Variants in RC3H1 observed in about 807,000 individuals in gnomAD.
The protein encoded by RC3H1 is ring finger and CCCH-type domains 1.
Under a neutral mutation model 138.2 loss-of-function variants are expected in RC3H1, and 50 were observed. The observed-to-expected ratio is 0.36, with a 90% CI of 0.29 to 0.46. RC3H1 has a LOEUF of 0.46. RC3H1 is among the 20% of genes least tolerant of loss of function. RC3H1 has a pLI of 1.00. For missense variants in RC3H1, 1,031 were observed against 1,388.1 expected, an observed-to-expected ratio of 0.74 and a Z score of 4.09; for synonymous variants, 462 against 489.1, an observed-to-expected ratio of 0.94 and a Z score of 0.73.
intron 17 of RC3H1, among the ~76,000 whole-genome samples, chr1:173,945,870 G>A (rs1247860418): frequency 6.6e-6 from 1 of 151,844 alleles, no homozygotes; most frequent in African/African-American, 2.4e-5. Context: ...ACCATGCCCG[G>A]CTAATTTTTT....
In RC3H1 at chr1:173,946,542, C is replaced by T. The variant is rs766801726; in HGVS notation, c.2895G>A (p.Gln965=). ...GKPLPSAERE[Q]LRLELQQLNH... Reference sequence around the variant, plus strand: ...TCAATTGCTGCAATTCTAGTCGTAGCTGTTCTCTCTCAGCAGATGGAAGGG... The same window carrying T: ...TCAATTGCTGCAATTCTAGTCGTAGTTGTTCTCTCTCAGCAGATGGAAGGG... Residue 965 remains glutamine (Q), a synonymous_variant, in exon 17 of 20, where the codon CAG becomes CAA. Transcript: ENST00000367696. 1 of 1,614,100 alleles carries T rather than the reference C, an allele frequency of 6.2e-7. No individual in the cohort carries two copies. Among genetic ancestry groups the T allele is most frequent in the Non-Finnish European group, 8.5e-7 (1 of 1,179,958 alleles).
At chr1:173,996,733 G>A (rs527359750) in intron 1 of RC3H1, among the ~76,000 whole-genome samples, 1 of 152,194 alleles carries the variant, frequency 6.6e-6, no homozygotes, top group South Asian at 2.1e-4. Context: ...TACATGCAGT[G>A]ACATACCCTC....
chr1:173,980,785 A>C, intron 6 of RC3H1, 24 bp downstream of exon 6: 1 of 1,579,616 alleles, frequency 6.3e-7, no homozygotes, highest in Non-Finnish European at 8.7e-7. Flanking sequence ...TAGTCTAAGA[A>C]GTAAGGAACA....
chr1:174,012,237 A>G (rs1661783748), intron 1 of RC3H1, among the ~76,000 whole-genome samples: 1 of 152,056 alleles, frequency 6.6e-6, no homozygotes, highest in African/African-American at 2.4e-5. Flanking sequence ...TCTCAAAAAA[A>G]AAAATAGGTA....
rs779359402 is a variant in RC3H1, at chr1:173,952,154, G to GAAAAA, written c.2371-21_2371-17dup. On this transcript the variant is annotated splice_polypyrimidine_tract_variant and intron_variant, in intron 13 of 19. Coordinates refer to ENST00000367696, the MANE Select transcript of RC3H1 (RefSeq NM_172071.4). ...CATCCAAAAACTACAGATGGAGAAAGAAAAAAAACAAAAAAAAAAAAAAGA... is the reference window on the plus strand; with the variant it reads ...CATCCAAAAACTACAGATGGAGAAAGAAAAAAAAAAAAACAAAAAAAAAAAAAAGA... 2.0e-6 allele frequency: 2 copies of GAAAAA among 1,023,742 alleles called. No individual in the cohort carries two copies. Among genetic ancestry groups the GAAAAA allele is most frequent in the African/African-American group, 3.1e-5 (1 of 31,988 alleles). 63.4% of individuals were successfully genotyped at this position (1,023,742 alleles called of 1,614,324 possible). A position where few individuals can be genotyped will look rare whatever the true frequency, so the allele number is the denominator to read the frequency against.
chr1:173,988,025 AAT>A (rs1396138381), intron 2 of RC3H1, among the ~76,000 whole-genome samples: 4 of 152,308 alleles, frequency 2.6e-5, no homozygotes, highest in African/African-American at 9.6e-5. Flanking sequence ...GCTTATAGAT[AAT>A]ATCTTTCTCT....
intron 7 of RC3H1, among the ~76,000 whole-genome samples, chr1:173,972,845 A>G (rs1410684188): frequency 2.0e-5 from 3 of 152,234 alleles, no homozygotes; most frequent in Non-Finnish European, 2.9e-5. Context: ...GGAACAAGAA[A>G]GGTAACATGA....
chr1:173,993,431 C>T (rs1328221359), intron 1 of RC3H1, among the ~76,000 whole-genome samples: 6 of 148,456 alleles, frequency 4.0e-5, no homozygotes, highest in Non-Finnish European at 7.4e-5. Flanking sequence ...TTTTTTGAGA[C>T]GGAATTTCGC....
intron 1 of RC3H1, among the ~76,000 whole-genome samples, chr1:173,998,423 T>G (rs1286102583): frequency 6.6e-6 from 1 of 152,218 alleles, no homozygotes; most frequent in Non-Finnish European, 1.5e-5. Context: ...ATTTTACTGT[T>G]GATAATTGCT....
Position 173,980,805 on chromosome 1 carries a change from C to T in RC3H1, c.969+4G>A, listed in dbSNP as rs1408250322. Reference sequence around the variant, plus strand: ...TAAGAAGTAAGGAACAAAAAAGGTCCTACCTTGTCAATAATGGACTGCATA... The same window carrying T: ...TAAGAAGTAAGGAACAAAAAAGGTCTTACCTTGTCAATAATGGACTGCATA... On this transcript the variant is annotated splice_donor_region_variant and intron_variant, in intron 6 of 19. Transcript: ENST00000367696. The T allele has an allele frequency of 3.1e-6, 5 of 1,610,582 alleles. No homozygotes were observed. The South Asian group carries it at 4.4e-5, about 14-fold the overall frequency.
Position 174,017,783 on chromosome 1 carries a change from CAAA to C in RC3H1, c.-151+4310_-151+4312del, listed in dbSNP as rs61239660. On this transcript the variant is annotated intron_variant, in intron 1 of 19. Transcript: ENST00000367696. ...ACCCCTTTAGAACTCTTTTCTTGCT[CAAA>C]AAAAAAAAAAAAAAAAAAAAAAAAC... Among the ~76,000 whole-genome samples the C allele has an allele frequency of 2.4e-3, 173 of 72,012 alleles. 2 individuals are homozygous for C. The highest frequency in any genetic ancestry group is 9.0e-3 in the African/African-American group (158 of 17,510). The allele number at this position is 72,012 out of a possible 152,430, so 47.2% of individuals were successfully genotyped here. A position where few individuals can be genotyped will look rare whatever the true frequency, so the allele number is the denominator to read the frequency against.
intron 9 of RC3H1, among the ~76,000 whole-genome samples, chr1:173,966,405 T>C (rs532500894): frequency 2.6e-5 from 4 of 152,242 alleles, no homozygotes; most frequent in Admixed American, 2.0e-4. Flanking sequence ...CAACTGCTAA[T>C]GCATTTTTAT....
chr1:173,990,759 C>T (rs1038543503), intron 2 of RC3H1, among the ~76,000 whole-genome samples: 2 of 151,680 alleles, frequency 1.3e-5, no homozygotes, highest in East Asian at 1.9e-4. Context: ...CCTGCAACCA[C>T]GCCCAGCTAA....
intron 7 of RC3H1, among the ~76,000 whole-genome samples, chr1:173,977,126 G>A (rs1402194032): frequency 3.3e-5 from 5 of 151,860 alleles, no homozygotes; most frequent in Admixed American, 1.3e-4. Context: ...GGGTTTCATC[G>A]TGCTGGCCAG....
intron 7 of RC3H1, among the ~76,000 whole-genome samples, chr1:173,973,991 T>G (rs549409952): frequency 2.0e-5 from 3 of 152,222 alleles, no homozygotes; most frequent in African/African-American, 7.2e-5. Flanking sequence ...TAGATAATGT[T>G]GAATTCAAAA....
intron 3 of RC3H1, 60 bp from the exon 4 acceptor site, chr1:173,983,717 A>T: frequency 6.4e-7 from 1 of 1,573,064 alleles, no homozygotes; most frequent in Non-Finnish European, 8.7e-7. Context: ...GTCCAGGAGC[A>T]ATTCTTCTGT....
At chr1:173,947,778 C>T (rs12067580) in intron 14 of RC3H1, among the ~76,000 whole-genome samples, 196 bp from the exon 15 acceptor site, 43,948 of 151,938 alleles carry the variant, frequency 0.29, 11,374 homozygotes, top group African/African-American at 0.7. Flanking sequence ...GGTCTCACAC[C>T]GTGGCCCAGG....
Position 173,943,573 on chromosome 1 carries a change from G to T in RC3H1, c.3004C>A (p.Leu1002Met). 6.2e-7 allele frequency: 1 copy of T among 1,614,038 alleles called. No individual in the cohort carries two copies. Among genetic ancestry groups the T allele is most frequent in the Non-Finnish European group, 8.5e-7 (1 of 1,179,986 alleles). The change falls in exon 18 of 20, where the codon CTG (leucine) becomes ATG (methionine). Residue 1002 changes from leucine (L) to methionine (M), a missense_variant. Physicochemically the swap from Leu to Met is conservative, Grantham distance 15. Around this residue, in one of 7 missense-constraint regions of RC3H1, gnomAD observed 716 missense variants for 837.9 expected, o/e 0.85. Coordinates refer to ENST00000367696, the MANE Select transcript of RC3H1 (RefSeq NM_172071.4). ...GGTGGGGGCTGTGACTGGCCTGCCA[G>T]GGTGTTTGCCTCCCTCTGCAACACC... ...RLVLQREANT[L>M]AGQSQPPPPP... is the part of the protein sequence containing the mutation.
At chr1:173,980,595 A>T (rs1287169290) in intron 6 of RC3H1, among the ~76,000 whole-genome samples, 1 of 152,122 alleles carries the variant, frequency 6.6e-6, no homozygotes, top group Non-Finnish European at 1.5e-5. Flanking sequence ...TAGTAAAAAT[A>T]CAATAAAATA....
Sources: allele counts gnomAD v4.1 joint callset (sites outside exome capture counted in the v4.1 genomes callset), GRCh38; gene constraint gnomAD v4.1.1; regional missense constraint gnomAD v4.1.1; transcripts MANE v1.5; gene names NCBI Gene and HGNC (gene_info 2026-07-23, HGNC 2026-07-21).